VARS2: variants seen among roughly 807,000 people sequenced by gnomAD.
The protein encoded by VARS2 is valine--tRNA ligase, mitochondrial.
In VARS2, 105 loss-of-function variants were observed where a neutral mutation model predicts 154.1. The observed-to-expected ratio is 0.68, with a 90% CI of 0.58 to 0.80. The LOEUF (loss-of-function observed/expected upper bound fraction) is 0.80. Ranked by LOEUF, VARS2 falls within the 30% of genes least tolerant of loss-of-function variation. The probability of loss-of-function intolerance (pLI) is 0.00; values close to 1 mark genes in which losing one functional copy is unlikely to be tolerated. For synonymous variants in VARS2, 483 were observed against 539.5 expected, an observed-to-expected ratio of 0.90 and a Z score of 1.45; for missense variants, 1,157 against 1,361.4, an observed-to-expected ratio of 0.85 and a Z score of 2.36.
In VARS2 at chr6:30,917,810, A is replaced by C. The variant is rs1794272603; in HGVS notation, c.985+4A>C. On this transcript the variant is annotated splice_donor_region_variant and intron_variant, in intron 10 of 29. Transcript: ENST00000676266. This position sits in a 1 kb window ranked among gnomAD's most constrained non-coding sequence, Gnocchi z 4.4. ...TTCCCCGTGGATGGAGAGCCTGGTGAGCATAGTACTCTGCAGGGTCACCCG... is the reference window on the plus strand; with the variant it reads ...TTCCCCGTGGATGGAGAGCCTGGTGCGCATAGTACTCTGCAGGGTCACCCG... The C allele has an allele frequency of 1.3e-6, 2 of 1,553,112 alleles. No individual in the cohort carries two copies. Among genetic ancestry groups the C allele is most frequent in the Non-Finnish European group, 1.7e-6 (2 of 1,147,808 alleles).
Position 30,921,504 on chromosome 6 carries a change from C to A in VARS2, c.1633-85C>A. 1 of 1,505,760 alleles carries A rather than the reference C, an allele frequency of 6.6e-7. No homozygotes were observed. The highest frequency in any genetic ancestry group is 9.0e-7 in the Non-Finnish European group (1 of 1,105,490). 93.3% of individuals were successfully genotyped at this position (1,505,760 alleles called of 1,614,324 possible). ...CTGGGGGAACCTGGCCACTCTAAGA[C>A]CACATGAGGACGTGAAAACCAAGTG... On this transcript the variant is annotated intron_variant, in intron 17 of 29. Transcript: ENST00000676266. This position sits in a 1 kb window ranked among gnomAD's most constrained non-coding sequence, Gnocchi z 4.6.
In VARS2 at chr6:30,916,360, A is replaced by AGGAAGTCAGAG; in HGVS notation, c.671+111_671+112insGGAAGTCAGAG. The AGGAAGTCAGAG allele has an allele frequency of 2.2e-6, 2 of 924,324 alleles. No homozygotes were observed. The highest frequency in any genetic ancestry group is 3.2e-6 in the Non-Finnish European group (2 of 621,678). The allele number at this position is 924,324 out of a possible 1,614,324, so 57.3% of individuals were successfully genotyped here. A position where few individuals can be genotyped will look rare whatever the true frequency, so the allele number is the denominator to read the frequency against. On this transcript the variant is annotated intron_variant, in intron 7 of 29. Coordinates refer to ENST00000676266, the MANE Select transcript of VARS2 (RefSeq NM_020442.6). The surrounding 1 kb of genome is among the most constrained non-coding windows in gnomAD (Gnocchi z 4.0). ...CTTGGCTCTTCCCGACACAGCTCTGACTTCCTCAGAGATGGAAGCTCTGGA... is the reference window on the plus strand; with the variant it reads ...CTTGGCTCTTCCCGACACAGCTCTGAGGAAGTCAGAGCTTCCTCAGAGATGGAAGCTCTGGA...
Position 30,916,740 on chromosome 6 carries a change from A to T in VARS2, c.672-138A>T. Reference sequence around the variant, plus strand: ...ATACTGGGTTTGTAAGTCCATTTCTATTAGCCTCTAGAGGCTAGATCAATG... The same window carrying T: ...ATACTGGGTTTGTAAGTCCATTTCTTTTAGCCTCTAGAGGCTAGATCAATG... On this transcript the variant is annotated intron_variant, in intron 7 of 29. Coordinates refer to ENST00000676266, the MANE Select transcript of VARS2 (RefSeq NM_020442.6). The surrounding 1 kb of genome is among the most constrained non-coding windows in gnomAD (Gnocchi z 4.0). The T allele has an allele frequency of 1.3e-6, 1 of 782,522 alleles. No homozygotes were observed. The highest frequency in any genetic ancestry group is 2.1e-6 in the Non-Finnish European group (1 of 465,780). 48.5% of individuals were successfully genotyped at this position (782,522 alleles called of 1,614,324 possible). A position where few individuals can be genotyped will look rare whatever the true frequency, so the allele number is the denominator to read the frequency against.
intron 10 of VARS2, 186 bp from the exon 11 acceptor site, chr6:30,918,641 C>A: frequency 1.4e-6 from 1 of 698,858 alleles, no homozygotes; most frequent in Non-Finnish European, 2.3e-6. Flanking sequence ...CTCTGGTCAT[C>A]AGCTTATGGG....
rs1249834791 is a variant in VARS2, at chr6:30,915,340, C to T, written c.284-15C>T. The T allele has an allele frequency of 1.2e-6, 2 of 1,613,956 alleles. No individual in the cohort carries two copies. Among genetic ancestry groups the T allele is most frequent in the Admixed American group, 3.3e-5 (2 of 60,014 alleles). The stretch of plus-strand genomic sequence containing the variant: ...CAAGTTCAGTGGTTAGTGGAGCTCT[C>T]CTCTGCCTTCACAGATGTCTCTGGG... On this transcript the variant is annotated splice_polypyrimidine_tract_variant and intron_variant, in intron 3 of 29. Transcript: ENST00000676266.
At chr6:30,915,534 A>T in intron 4 of VARS2, 79 bp downstream of exon 4, 1 of 1,498,374 alleles carries the variant, frequency 6.7e-7, no homozygotes, top group Non-Finnish European at 9.2e-7. Flanking sequence ...CTCAGAGTTG[A>T]GCTCACATTG....
chr6:30,921,157 G>C lies in VARS2; in HGVS notation c.1556+16G>C. 6.2e-7 allele frequency: 1 copy of C among 1,613,974 alleles called. No individual in the cohort carries two copies. Among genetic ancestry groups the C allele is most frequent in the Non-Finnish European group, 8.5e-7 (1 of 1,179,904 alleles). ...CCCATATTGGGTAAGGGTAGGGTAA[G>C]GGGAGCTCTTGTGGAGATGGGGAGG... On this transcript the variant is annotated intron_variant, in intron 16 of 29. Coordinates refer to ENST00000676266, the MANE Select transcript of VARS2 (RefSeq NM_020442.6). This position sits in a 1 kb window ranked among gnomAD's most constrained non-coding sequence, Gnocchi z 4.6.
rs1794810144 is a variant in VARS2 at position 30,925,930 on chromosome 6, C to G, written c.3012C>G (p.Tyr1004Ter). 1 of 1,612,972 alleles carries G rather than the reference C, an allele frequency of 6.2e-7. No individual in the cohort carries two copies. The highest frequency in any genetic ancestry group is 1.3e-5 in the African/African-American group (1 of 74,924). ...IQLPLLAARR[Y>*]KLQKQLDSLT... Reference sequence around the variant, plus strand: ...TACCTCTGTTAGCCGCCCGAAGGTACAAGTTGCAGAAGCAGCTTGACAGCC... The same window carrying G: ...TACCTCTGTTAGCCGCCCGAAGGTAGAAGTTGCAGAAGCAGCTTGACAGCC... The change falls in exon 29 of 30, where the codon TAC becomes TAG. Residue 1004 changes from tyrosine to a stop codon, truncating the protein, a stop_gained. Transcript: ENST00000676266. LOFTEE classifies it high-confidence loss of function.
intron 25 of VARS2, chr6:30,923,855 C>T (rs373917754): frequency 5.2e-6 from 2 of 386,494 alleles, no homozygotes; most frequent in African/African-American, 2.0e-5. Flanking sequence ...GGACTAGCAG[C>T]GGTCTTTAGA....
intron 10 of VARS2, among the ~76,000 whole-genome samples, chr6:30,918,375 T>A (rs1794306614): frequency 6.6e-6 from 1 of 152,138 alleles, no homozygotes; most frequent in Non-Finnish European, 1.5e-5. Context: ...CTCTAAGGTG[T>A]GGTTTTTACG....
At position 30,921,612 on chromosome 6, in the gene VARS2, T is replaced by C. The variant is rs2074511; in HGVS notation, c.1656T>C (p.Val552=). 0.2 allele frequency: 314,402 copies of C among 1,606,782 alleles called. 39,175 individuals are homozygous for C. The highest frequency in any genetic ancestry group is 0.56 in the East Asian group (24,911 of 44,700). ...AGGGAGAAGAGGACTGTTGGGTGGT[T>C]GGGCGGTCAGAGGCTGAGGCCAGAG... ...HAQGEEDCWV[V]GRSEAEAREV... The change falls in exon 18 of 30, where the codon GTT becomes GTC. Residue 552 remains valine, a synonymous_variant. Coordinates refer to ENST00000676266, the MANE Select transcript of VARS2 (RefSeq NM_020442.6). This position sits in a 1 kb window ranked among gnomAD's most constrained non-coding sequence, Gnocchi z 4.6.
At position 30,916,123 on chromosome 6, in the gene VARS2, C is replaced by T. The variant is rs1408022877; in HGVS notation, c.574-29C>T. ...CCCAAAGCAACCAAGCAACCTGACT[C>T]TGTTCATTTGCCCTGAATCCAACTG... On this transcript the variant is annotated intron_variant, in intron 6 of 29. Transcript: ENST00000676266. This position sits in a 1 kb window ranked among gnomAD's most constrained non-coding sequence, Gnocchi z 4.0. 3.7e-6 allele frequency: 6 copies of T among 1,613,576 alleles called. No individual in the cohort carries two copies. The highest frequency in any genetic ancestry group is 2.2e-5 in the South Asian group (2 of 91,056).
chr6:30,924,461 C>T lies in VARS2; in HGVS notation c.2574C>T (p.Pro858=). 1 of 1,612,532 alleles carries T rather than the reference C, an allele frequency of 6.2e-7. No individual in the cohort carries two copies. The highest frequency in any genetic ancestry group is 8.5e-7 in the Non-Finnish European group (1 of 1,179,782). ...LGLRLLAPLM[P]FLAEELWQRL... ...TCCGCCTCCTGGCCCCACTGATGCCCTTCCTGGCTGAAGAGCTCTGGCAGA... is the reference window on the plus strand; with the variant it reads ...TCCGCCTCCTGGCCCCACTGATGCCTTTCCTGGCTGAAGAGCTCTGGCAGA... The change falls in exon 26 of 30, where the codon CCC becomes CCT. Residue 858 remains proline (P), a synonymous_variant. Transcript: ENST00000676266.
In VARS2 at chr6:30,924,367, C is replaced by T; in HGVS notation, c.2480C>T (p.Pro827Leu). 6.2e-7 allele frequency: 1 copy of T among 1,612,080 alleles called. No homozygotes were observed. Among genetic ancestry groups the T allele is most frequent in the East Asian group, 2.2e-5 (1 of 44,878 alleles). Residue 827 changes from proline to leucine, a missense_variant, in exon 26 of 30, where the codon CCC becomes CTC. By Grantham distance (98) the Pro-to-Leu change is moderately conservative. Coordinates refer to ENST00000676266, the MANE Select transcript of VARS2 (RefSeq NM_020442.6). ...CTTCCTCTCCAGGAGGCTGTGAAGC[C>T]CGTGCTGTGGCACTCGCCCCGCCCC... is the stretch of plus-strand genomic sequence containing the variant. Reference protein sequence around the residue: ...LCDVYLEAVKPVLWHSPRPLG... With the variant: ...LCDVYLEAVKLVLWHSPRPLG...
In VARS2 at chr6:30,922,765, T is replaced by C; in HGVS notation, c.2097T>C (p.Ala699=). 1 of 1,611,676 alleles carries C rather than the reference T, an allele frequency of 6.2e-7. No homozygotes were observed. Among genetic ancestry groups the C allele is most frequent in the South Asian group, 1.1e-5 (1 of 90,934 alleles). Reference sequence around the variant, plus strand: ...ACCCTGCAGAGCTGGCCATTGTGGCTGCAGCACAGGTGAGTCATCGCTGCC... The same window carrying C: ...ACCCTGCAGAGCTGGCCATTGTGGCCGCAGCACAGGTGAGTCATCGCTGCC... ...NLDPAELAIV[A]AAQKKDFPHG... Residue 699 remains alanine, a synonymous_variant, in exon 22 of 30, where the codon GCT becomes GCC. Transcript: ENST00000676266.
In VARS2 at chr6:30,918,843, A is replaced by C; in HGVS notation, c.1002A>C (p.Val334=). The C allele has an allele frequency of 2.5e-6, 4 of 1,613,002 alleles. No homozygotes were observed. Among genetic ancestry groups the C allele is most frequent in the Non-Finnish European group, 3.4e-6 (4 of 1,180,020 alleles). ...VDGEPDAEVV[V]GTTRPETLPG... Reference sequence around the variant, plus strand: ...TATCTTCAGATGCAGAGGTTGTGGTAGGAACCACAAGGCCAGAGACGCTGC... The same window carrying C: ...TATCTTCAGATGCAGAGGTTGTGGTCGGAACCACAAGGCCAGAGACGCTGC... The change falls in exon 11 of 30, where the codon GTA becomes GTC. Residue 334 remains valine (V), a synonymous_variant. Transcript: ENST00000676266.
In VARS2 at chr6:30,921,182, G is replaced by T. The variant is rs369943412; in HGVS notation, c.1556+41G>T. On this transcript the variant is annotated intron_variant, in intron 16 of 29. Coordinates refer to ENST00000676266, the MANE Select transcript of VARS2 (RefSeq NM_020442.6). The surrounding 1 kb of genome is among the most constrained non-coding windows in gnomAD (Gnocchi z 4.6). ...GGGGAGCTCTTGTGGAGATGGGGAG[G>T]GGGGACTGACTGGTTATTCTAAGAC... 16 of 1,613,788 alleles carry T rather than the reference G, an allele frequency of 9.9e-6. No individual in the cohort carries two copies. Among genetic ancestry groups the T allele is most frequent in the Admixed American group, 6.7e-5 (4 of 60,002 alleles).
chr6:30,915,600 C>A, intron 4 of VARS2, 145 bp downstream of exon 4: 1 of 1,455,936 alleles, frequency 6.9e-7, no homozygotes, highest in Non-Finnish European at 9.3e-7. Flanking sequence ...TTGGCAGGTT[C>A]CCCCTGGCCA....
chr6:30,920,120 T>C lies in VARS2; in HGVS notation c.1197T>C (p.Pro399=), dbSNP rs768456017. Reference sequence around the variant, plus strand: ...TGAAGGTGACTCCAGCTCACAGTCCTGCCGATGCTGAGATGGGGGCCCGAC... The same window carrying C: ...TGAAGGTGACTCCAGCTCACAGTCCCGCCGATGCTGAGATGGGGGCCCGAC... ...GAVKVTPAHS[P]ADAEMGARHG... The change falls in exon 13 of 30, where the codon CCT becomes CCC. Residue 399 remains proline (P), a synonymous_variant. Coordinates refer to ENST00000676266, the MANE Select transcript of VARS2 (RefSeq NM_020442.6). This position sits in a 1 kb window ranked among gnomAD's most constrained non-coding sequence, Gnocchi z 4.6. The C allele has an allele frequency of 6.3e-7, 1 of 1,578,400 alleles. No individual in the cohort carries two copies. Among genetic ancestry groups the C allele is most frequent in the Non-Finnish European group, 8.6e-7 (1 of 1,162,016 alleles).
Sources: allele counts gnomAD v4.1 joint callset (sites outside exome capture counted in the v4.1 genomes callset), GRCh38; gene constraint gnomAD v4.1.1; non-coding constraint Gnocchi (gnomAD v3.1); transcripts MANE v1.5; gene names NCBI Gene and HGNC (gene_info 2026-07-23, HGNC 2026-07-21).